The following NTN3 variants were observed in gnomAD, a reference collection of about 807,000 sequenced individuals.
NTN3 encodes netrin 3.
A neutral mutation model predicts 37.2 loss-of-function variants in NTN3; 44 were observed. The ratio of observed to expected loss-of-function variants is 1.18; its 90% confidence interval spans 0.93 to 1.52. The LOEUF (loss-of-function observed/expected upper bound fraction) is 1.52, where lower values mean the gene tolerates loss of function less well. Among genes scored for constraint, NTN3 ranks in the 40% most tolerant of loss-of-function variants. The pLI, the probability that NTN3 is intolerant of heterozygous loss-of-function variation, is 0.00. For missense variants in NTN3, 882 were observed against 857.3 expected, an observed-to-expected ratio of 1.03 and a Z score of -0.36; for synonymous variants, 385 against 376.0, an observed-to-expected ratio of 1.02 and a Z score of -0.28.
chr16:2,471,921 C>T lies in NTN3; in HGVS notation c.220C>T (p.Arg74Trp). 9 of 1,543,324 alleles carry T rather than the reference C, an allele frequency of 5.8e-6. No individual in the cohort carries two copies. Among genetic ancestry groups the T allele is most frequent in the Non-Finnish European group, 7.8e-6 (9 of 1,152,352 alleles). ...GGCCTGCGACGCCTCCGACCCGCGA[C>T]GGGCACACTCCCCCGCCCTCCTTAC... ...TRACDASDPRRAHSPALLTSP... is the reference protein window; with the variant it reads ...TRACDASDPRWAHSPALLTSP... Residue 74 changes from arginine (R) to tryptophan (W), a missense_variant, in exon 1 of 6, where the codon CGG becomes TGG. Transcript: ENST00000293973.
At chr16:2,473,715 C>A in intron 5 of NTN3, 41 bp from the exon 6 acceptor site, 1 of 1,420,966 alleles carries the variant, frequency 7.0e-7, no homozygotes, top group Non-Finnish European at 9.2e-7. Context: ...CGCGGGCAGG[C>A]CGCCCCTTCC....
At chr16:2,473,726 T>C in intron 5 of NTN3, 30 bp from the exon 6 acceptor site, 1 of 1,423,882 alleles carries the variant, frequency 7.0e-7, no homozygotes, top group Non-Finnish European at 9.1e-7. Flanking sequence ...CGCCCCTTCC[T>C]GACCCCGCCC....
intron 1 of NTN3, 22 bp downstream of exon 1, chr16:2,472,651 TG>T: frequency 1.2e-6 from 2 of 1,600,730 alleles, no homozygotes; most frequent in African/African-American, 2.7e-5. Context: ...GAGGGTGGCC[TG>T]GGGACCTTGG....
rs969057316 is a variant in NTN3, at chr16:2,473,456, G to A, written c.1346G>A (p.Arg449His). 5.0e-6 allele frequency: 8 copies of A among 1,613,002 alleles called. No individual in the cohort carries two copies. Among genetic ancestry groups the A allele is most frequent in the Non-Finnish European group, 5.9e-6 (7 of 1,179,980 alleles). ...QDCDSHCKPA[R>H]GSYRISLKKF... ...TGTGACTCGCACTGCAAACCTGCCC[G>A]TGGCAGCTACCGCATCAGCCTAAAG... The change falls in exon 5 of 6, where the codon CGT becomes CAT. Residue 449 changes from arginine to histidine, a missense_variant. Transcript: ENST00000293973.
At position 2,471,634 on chromosome 16, in the gene NTN3, AG is replaced by A; in HGVS notation, c.-65del. ...GGGCCTGGTGGGCAGAGCCGCGGAG[AG>A]GGCTTCTTTTCCCCAAGGGCAGCGT... On this transcript the variant is annotated 5_prime_UTR_variant, in exon 1 of 6. Coordinates refer to ENST00000293973, the MANE Select transcript of NTN3 (RefSeq NM_006181.3). The A allele has an allele frequency of 1.7e-6, 2 of 1,163,796 alleles. No homozygotes were observed. Among genetic ancestry groups the A allele is most frequent in the Non-Finnish European group, 2.2e-6 (2 of 904,216 alleles). 72.1% of individuals were successfully genotyped at this position (1,163,796 alleles called of 1,614,324 possible).
At position 2,473,080 on chromosome 16, in the gene NTN3, A is replaced by C. The variant is rs1386857389; in HGVS notation, c.1213A>C (p.Asn405His). ...CKDGVTGLTCNRCAPGFQQSR... is the reference protein window; with the variant it reads ...CKDGVTGLTCHRCAPGFQQSR... ...GGATGGCGTCACTGGCCTCACCTGC[A>C]ACCGCTGCGCGCCTGGCTTCCAGCA... The change falls in exon 3 of 6, where the codon AAC (asparagine) becomes CAC (histidine). Residue 405 changes from asparagine to histidine, a missense_variant. Asn to His is a moderately conservative substitution (Grantham distance 68). Transcript: ENST00000293973. 4 of 1,610,858 alleles carry C rather than the reference A, an allele frequency of 2.5e-6. No homozygotes were observed. The highest frequency in any genetic ancestry group is 3.4e-6 in the Non-Finnish European group (4 of 1,179,434).
intron 3 of NTN3, 35 bp from the exon 4 acceptor site, chr16:2,473,233 C>CA: frequency 6.2e-7 from 1 of 1,609,690 alleles, no homozygotes; most frequent in Non-Finnish European, 8.5e-7. Flanking sequence ...CTCTCTGCCC[C>CA]TCCATCGCAG....
In NTN3 at chr16:2,471,524, T is replaced by C. The variant is rs2141844239; in HGVS notation, c.-178T>C. 2.4e-6 allele frequency: 1 copy of C among 410,820 alleles called. No homozygotes were observed. Among genetic ancestry groups the C allele is most frequent in the Non-Finnish European group, 4.2e-6 (1 of 237,068 alleles). The allele number at this position is 410,820 out of a possible 1,614,324, so 25.4% of individuals were successfully genotyped here. ...GAGGACGCGCCAACATCCCCGCTGC[T>C]GTGCTGGGCCCGGGGCGTGCCCGCC... On this transcript the variant is annotated 5_prime_UTR_variant, in exon 1 of 6. Coordinates refer to ENST00000293973, the MANE Select transcript of NTN3 (RefSeq NM_006181.3).
intron 4 of NTN3, 53 bp from the exon 5 acceptor site, chr16:2,473,376 G>A: frequency 6.2e-7 from 1 of 1,612,468 alleles, no homozygotes; most frequent in Non-Finnish European, 8.5e-7. Flanking sequence ...GGGGGCTCTG[G>A]GAGGAGAGGG....
At position 2,472,997 on chromosome 16, in the gene NTN3, A is replaced by AC; in HGVS notation, c.1133dup (p.Val379GlyfsTer45). 6.2e-7 allele frequency: 1 copy of AC among 1,603,270 alleles called. No individual in the cohort carries two copies. Among genetic ancestry groups the AC allele is most frequent in the South Asian group, 1.1e-5 (1 of 90,614 alleles). On this transcript the variant is annotated frameshift_variant, in exon 3 of 6. Coordinates refer to ENST00000293973, the MANE Select transcript of NTN3 (RefSeq NM_006181.3). LOFTEE classifies it high-confidence loss of function. ...CCTCTGTCCTCAGCCTGCGACTGTC[A>AC]CCCGGTTGGTGCTGCTGGCAAGACC...
chr16:2,473,810 T>C lies in NTN3; in HGVS notation c.1448T>C (p.Phe483Ser). The C allele has an allele frequency of 7.2e-7, 1 of 1,389,930 alleles. No individual in the cohort carries two copies. The highest frequency in any genetic ancestry group is 3.5e-5 in the Admixed American group (1 of 28,454). 86.1% of individuals were successfully genotyped at this position (1,389,930 alleles called of 1,614,324 possible). The part of the protein sequence containing the change: ...RGEARGAWTR[F>S]PVAVLAVFRS... ...GAGGCGCGCGGCGCGTGGACACGCT[T>C]CCCGGTGGCGGTGCTCGCCGTGTTC... The change falls in exon 6 of 6, where the codon TTC (phenylalanine) becomes TCC (serine). Residue 483 changes from phenylalanine (F) to serine (S), a missense_variant. Coordinates refer to ENST00000293973, the MANE Select transcript of NTN3 (RefSeq NM_006181.3).
chr16:2,473,526 C>G (rs774922787), intron 5 of NTN3, 23 bp downstream of exon 5: 1 of 1,603,806 alleles, frequency 6.2e-7, no homozygotes, highest in African/African-American at 1.3e-5. Flanking sequence ...AGGCCTCCCG[C>G]GGACCTTCCC....
At chr16:2,473,536 C>G in intron 5 of NTN3, 33 bp downstream of exon 5, 1 of 1,582,018 alleles carries the variant, frequency 6.3e-7, no homozygotes. Flanking sequence ...CGGACCTTCC[C>G]ACCTTCCTCC....
intron 3 of NTN3, 29 bp downstream of exon 3, chr16:2,473,163 C>T: frequency 6.3e-7 from 1 of 1,592,996 alleles, no homozygotes; most frequent in Non-Finnish European, 8.6e-7. Flanking sequence ...CCTCAGCCAC[C>T]AAGCCAAGGC....
intron 5 of NTN3, 90 bp from the exon 6 acceptor site, chr16:2,473,666 C>T (rs1365702054): frequency 3.9e-6 from 5 of 1,288,346 alleles, no homozygotes; most frequent in Non-Finnish European, 5.2e-6. Context: ...CCTTCAGCCC[C>T]CACTGCCCTC....
Position 2,473,957 on chromosome 16 carries a change from C to A in NTN3, c.1595C>A (p.Pro532His). The A allele has an allele frequency of 8.6e-7, 1 of 1,168,354 alleles. No individual in the cohort carries two copies. The highest frequency in any genetic ancestry group is 1.6e-5 in the African/African-American group (1 of 61,902). The allele number at this position is 1,168,354 out of a possible 1,614,324, so 72.4% of individuals were successfully genotyped here. ...GRRYLLLGGG[P>H]GAAAGGAGGR... Reference sequence around the variant, plus strand: ...CGCTACCTCCTGCTGGGGGGCGGGCCTGGAGCCGCGGCTGGGGGCGCGGGG... The same window carrying A: ...CGCTACCTCCTGCTGGGGGGCGGGCATGGAGCCGCGGCTGGGGGCGCGGGG... The change falls in exon 6 of 6, where the codon CCT (proline) becomes CAT (histidine). Residue 532 changes from proline to histidine, a missense_variant. Transcript: ENST00000293973.
chr16:2,471,589 G>C lies in NTN3; in HGVS notation c.-113G>C. ...TGGGCCGGGCTGGGGCCGCCCGGGGGCCCTGTTCCTCGGCATTGCGGGCCT... is the reference window on the plus strand; with the variant it reads ...TGGGCCGGGCTGGGGCCGCCCGGGGCCCCTGTTCCTCGGCATTGCGGGCCT... On this transcript the variant is annotated 5_prime_UTR_variant, in exon 1 of 6. Transcript: ENST00000293973. 1 of 785,396 alleles carries C rather than the reference G, an allele frequency of 1.3e-6. No homozygotes were observed. The highest frequency in any genetic ancestry group is 1.8e-6 in the Non-Finnish European group (1 of 564,714). The allele number at this position is 785,396 out of a possible 1,614,324, so 48.7% of individuals were successfully genotyped here. A position where few individuals can be genotyped will look rare whatever the true frequency, so the allele number is the denominator to read the frequency against.
chr16:2,472,609 G>A lies in NTN3; in HGVS notation c.908G>A (p.Arg303Gln), dbSNP rs778584763. The A allele has an allele frequency of 2.4e-5, 39 of 1,595,256 alleles. No individual in the cohort carries two copies. Among genetic ancestry groups the A allele is most frequent in the Admixed American group, 1.0e-4 (6 of 59,006 alleles). Residue 303 changes from arginine to glutamine, a missense_variant, in exon 1 of 6, where the codon CGG (arginine) becomes CAG (glutamine). Physicochemically the swap from Arg to Gln is conservative, Grantham distance 43. Transcript: ENST00000293973. The part of the protein sequence containing the change: ...CDRPWQRATA[R>Q]ESHACLACSC... ...AGGCCATGGCAGCGGGCCACTGCCC[G>A]GGAATCCCACGCCTGCCTCGGTGAG...
At position 2,473,034 on chromosome 16, in the gene NTN3, C is replaced by G; in HGVS notation, c.1167C>G (p.Thr389=). The G allele has an allele frequency of 6.2e-7, 1 of 1,610,948 alleles. No individual in the cohort carries two copies. Among genetic ancestry groups the G allele is most frequent in the East Asian group, 2.2e-5 (1 of 44,838 alleles). ...VGAAGKTCNQ[T]TGQCPCKDGV... is the part of the protein sequence containing the mutation. ...CTGCTGGCAAGACCTGCAACCAGACCACAGGCCAGTGTCCCTGCAAGGATG... is the reference window on the plus strand; with the variant it reads ...CTGCTGGCAAGACCTGCAACCAGACGACAGGCCAGTGTCCCTGCAAGGATG... Residue 389 remains threonine (T), a synonymous_variant, in exon 3 of 6, where the codon ACC becomes ACG. Coordinates refer to ENST00000293973, the MANE Select transcript of NTN3 (RefSeq NM_006181.3).
Sources: allele counts gnomAD v4.1 joint callset, GRCh38; gene constraint gnomAD v4.1.1; transcripts MANE v1.5; gene names NCBI Gene and HGNC (gene_info 2026-07-23, HGNC 2026-07-21).